EIF4A2: variants seen among roughly 807,000 people sequenced by gnomAD.
EIF4A2 encodes eukaryotic translation initiation factor 4A2.
A neutral mutation model predicts 50.6 loss-of-function variants in EIF4A2; 9 were observed. The observed-to-expected ratio is 0.18, with a 90% CI of 0.11 to 0.31. The LOEUF is 0.31. Among genes scored for constraint, EIF4A2 ranks in the 10% least tolerant of loss-of-function variants. The pLI, the probability that EIF4A2 is intolerant of heterozygous loss-of-function variation, is 1.00. For synonymous variants in EIF4A2, 215 were observed against 164.4 expected (o/e 1.31, Z -2.35); for missense variants, 182 against 501.8 (o/e 0.36, Z 6.09).
chr3:186,785,286 G>A (rs552385541), intron 4 of EIF4A2, 185 bp downstream of exon 4: 3 of 767,560 alleles, frequency 3.9e-6, no homozygotes, highest in Admixed American at 3.0e-5. Context: ...TGGTTTGTAG[G>A]GTTGTATACT....
At position 186,786,570 on chromosome 3, in the gene EIF4A2, A is replaced by C; in HGVS notation, c.696A>C (p.Pro232=). ...LEVTKKFMRD[P]IRILVKKEEL... ...TGACCAAAAAATTCATGAGAGATCC[A>C]ATTCGAATTCTGGTGAAAAAGGAAG... Residue 232 remains proline, a synonymous_variant, in exon 7 of 11, where the codon CCA becomes CCC. Coordinates refer to ENST00000323963, the MANE Select transcript of EIF4A2 (RefSeq NM_001967.4). The C allele has an allele frequency of 1.9e-6, 3 of 1,613,752 alleles. No homozygotes were observed. Among genetic ancestry groups the C allele is most frequent in the Non-Finnish European group, 2.5e-6 (3 of 1,179,986 alleles).
chr3:186,787,984 G>A (rs1024207813), intron 10 of EIF4A2, 102 bp downstream of exon 10: 2 of 1,231,996 alleles, frequency 1.6e-6, no homozygotes, highest in African/African-American at 1.5e-5. Flanking sequence ...ATTCAGTAAA[G>A]TCAGTAGTGT....
intron 10 of EIF4A2, 154 bp from the exon 11 acceptor site, chr3:186,788,971 C>G (rs1721959979): frequency 7.4e-6 from 8 of 1,087,142 alleles, no homozygotes; most frequent in Non-Finnish European, 1.0e-5. Flanking sequence ...AGATTTTTTT[C>G]TCTAGATATG....
In EIF4A2 at chr3:186,785,039, G is replaced by GAGATTGAGTTCAAGGAGACCC. The variant is rs1721609565; in HGVS notation, c.288_308dup (p.Ile97_Gln103dup). On this transcript the variant is annotated inframe_insertion, in exon 4 of 11. Coordinates refer to ENST00000323963, the MANE Select transcript of EIF4A2 (RefSeq NM_001967.4). ...TGCTATTTCCATCCTGCAACAGTTG[G>GAGATTGAGTTCAAGGAGACCC]AGATTGAGTTCAAGGAGACCCAAGC... The GAGATTGAGTTCAAGGAGACCC allele has an allele frequency of 6.2e-7, 1 of 1,614,078 alleles. No individual in the cohort carries two copies. The highest frequency in any genetic ancestry group is 1.3e-5 in the African/African-American group (1 of 74,920).
At position 186,785,121 on chromosome 3, in the gene EIF4A2, A is replaced by G. The variant is rs778635126; in HGVS notation, c.348+20A>G. 3.7e-6 allele frequency: 6 copies of G among 1,611,832 alleles called. No homozygotes were observed. The highest frequency in any genetic ancestry group is 2.2e-5 in the East Asian group (1 of 44,868). ...CAACAGGTATTGATAGTGTAGTTCA[A>G]AAAAACTGCTTGCGTGTTGCATAGG... On this transcript the variant is annotated intron_variant, in intron 4 of 10. Coordinates refer to ENST00000323963, the MANE Select transcript of EIF4A2 (RefSeq NM_001967.4).
intron 8 of EIF4A2, 72 bp from the exon 9 acceptor site, chr3:186,787,423 C>T (rs1721800435): frequency 6.2e-7 from 1 of 1,609,260 alleles, no homozygotes; most frequent in Non-Finnish European, 8.5e-7. Flanking sequence ...GACGCTTGGT[C>T]TCATACATGT....
intron 10 of EIF4A2, 40 bp from the exon 11 acceptor site, chr3:186,789,085 T>C (rs765846351): frequency 1.1e-5 from 17 of 1,602,762 alleles, no homozygotes; most frequent in Admixed American, 1.7e-5. Flanking sequence ...AGTTTATACA[T>C]TATGTGAGAA....
chr3:186,786,791 A>C, intron 7 of EIF4A2, 146 bp downstream of exon 7: 1 of 1,120,338 alleles, frequency 8.9e-7, no homozygotes, highest in East Asian at 2.3e-5. Flanking sequence ...GATTGTAAAG[A>C]CTGGGGTGGA....
chr3:186,786,894 C>T (rs1244128950), intron 7 of EIF4A2: 6 of 877,992 alleles, frequency 6.8e-6, no homozygotes, highest in African/African-American at 1.7e-5. Context: ...ATAATTTCTA[C>T]GTTTTGAGAC....
At chr3:186,786,464 G>T (rs1296623261) in intron 6 of EIF4A2, 38 bp from the exon 7 acceptor site, 3 of 1,605,412 alleles carry the variant, frequency 1.9e-6, no homozygotes, top group Non-Finnish European at 2.6e-6. Flanking sequence ...GGGTATTAAT[G>T]TGTAAGTTGT....
At chr3:186,785,124 AAAC>A (rs1158133348) in intron 4 of EIF4A2, 23 bp downstream of exon 4, 4 of 1,611,670 alleles carry the variant, frequency 2.5e-6, no homozygotes, top group Non-Finnish European at 3.4e-6. Context: ...TAGTTCAAAA[AAAC>A]TGCTTGCGTG....
intron 9 of EIF4A2, 69 bp from the exon 10 acceptor site, chr3:186,787,734 T>C (rs1560086392): frequency 1.9e-5 from 31 of 1,603,158 alleles, no homozygotes; most frequent in Non-Finnish European, 2.6e-5. Context: ...TTCGCTACTA[T>C]TTTGTGGCCT....
rs777858280 is a variant in EIF4A2 at position 186,786,234 on chromosome 3, A to G, written c.588A>G (p.Gln196=). 6 of 1,613,926 alleles carry G rather than the reference A, an allele frequency of 3.7e-6. No homozygotes were observed. The South Asian group carries it at 6.6e-5, about 18-fold the overall frequency. The change falls in exon 6 of 11, where the codon CAA becomes CAG. Residue 196 remains glutamine, a synonymous_variant. Transcript: ENST00000323963. ...TGTTGAGCCGTGGTTTTAAGGATCAAATCTATGAGATTTTCCAAAAACTAA... is the reference window on the plus strand; with the variant it reads ...TGTTGAGCCGTGGTTTTAAGGATCAGATCTATGAGATTTTCCAAAAACTAA... ...DEMLSRGFKD[Q]IYEIFQKLNT...
chr3:186,785,414 C>T (rs1447355195), intron 4 of EIF4A2: 1 of 397,404 alleles, frequency 2.5e-6, no homozygotes, highest in South Asian at 3.4e-5. Flanking sequence ...TTGACTGTCT[C>T]CGTAGTTCGT....
At chr3:186,787,677 A>C in intron 9 of EIF4A2, 93 bp downstream of exon 9, 1 of 1,587,382 alleles carries the variant, frequency 6.3e-7, no homozygotes, top group South Asian at 1.1e-5. Context: ...GGCTATTTGG[A>C]AGAGTAAAAG....
intron 1 of EIF4A2, 167 bp downstream of exon 1, chr3:186,783,806 G>C (rs564880910): frequency 9.1e-7 from 1 of 1,096,690 alleles, no homozygotes; most frequent in Admixed American, 2.3e-5. Context: ...GGCCCGGATT[G>C]TGGGGAGATA....
chr3:186,788,085 A>G (rs1228191797), intron 10 of EIF4A2: 1 of 716,856 alleles, frequency 1.4e-6, no homozygotes, highest in African/African-American at 1.8e-5. Flanking sequence ...TTGTGGACAT[A>G]GGGTTTTTTT....
Position 186,785,109 on chromosome 3 carries a change from T to G in EIF4A2, c.348+8T>G. 6.2e-7 allele frequency: 1 copy of G among 1,613,578 alleles called. No individual in the cohort carries two copies. The highest frequency in any genetic ancestry group is 8.5e-7 in the Non-Finnish European group (1 of 1,179,814). On this transcript the variant is annotated splice_region_variant and intron_variant, in intron 4 of 10. Coordinates refer to ENST00000323963, the MANE Select transcript of EIF4A2 (RefSeq NM_001967.4). The stretch of plus-strand genomic sequence containing the variant: ...AGAGAACTGGCTCAACAGGTATTGA[T>G]AGTGTAGTTCAAAAAAACTGCTTGC...
intron 10 of EIF4A2, 93 bp downstream of exon 10, chr3:186,787,975 T>TACAGTAA: frequency 7.5e-7 from 1 of 1,329,754 alleles, no homozygotes; most frequent in African/African-American, 1.5e-5. Context: ...AAGGAATAGA[T>TACAGTAA]TCAGTAAAGT....
Sources: allele counts gnomAD v4.1 joint callset, GRCh38; gene constraint gnomAD v4.1.1; transcripts MANE v1.5; gene names NCBI Gene and HGNC (gene_info 2026-07-23, HGNC 2026-07-21).